Variants in TOP2B observed in about 807,000 individuals in gnomAD.
TOP2B encodes DNA topoisomerase 2-beta.
In TOP2B, 51 loss-of-function variants were observed where a neutral mutation model predicts 193.5. That is an observed-to-expected ratio of 0.26 (90% CI 0.21 to 0.33). The LOEUF (loss-of-function observed/expected upper bound fraction) is 0.33. TOP2B is among the 10% of genes least tolerant of loss of function. The pLI is 1.00. For missense variants in TOP2B, 1,378 were observed against 1,909.3 expected (o/e 0.72, Z 5.19); for synonymous variants, 634 against 635.7 (o/e 1.00, Z 0.04).
chr3:25,641,707 T>A lies in TOP2B; in HGVS notation c.395+615A>T, dbSNP rs934181683. 3.1e-4 allele frequency among the ~76,000 whole-genome samples: 47 copies of A among 152,204 alleles called. 1 individual carries two copies. The South Asian group carries it at 3.9e-3, about 13-fold the overall frequency. On this transcript the variant is annotated intron_variant, in intron 4 of 35. Coordinates refer to ENST00000264331, the MANE Select transcript of TOP2B (RefSeq NM_001330700.2). ...TACCTGAATTATTAGATTTTTATGT[T>A]TACTAGAGAAAAATCTTAAAATCAT...
intron 5 of TOP2B, 135 bp downstream of exon 5, chr3:25,638,030 T>C: frequency 1.1e-6 from 1 of 872,766 alleles, no homozygotes; most frequent in South Asian, 1.8e-5. Flanking sequence ...AAGACAATAT[T>C]TATACATGAT....
chr3:25,644,758 C>T (rs1703366231), intron 2 of TOP2B, among the ~76,000 whole-genome samples: 1 of 151,560 alleles, frequency 6.6e-6, no homozygotes, highest in Admixed American at 6.6e-5. Flanking sequence ...ATAAAAAGTT[C>T]GTATGGCACC....
chr3:25,628,912 G>C lies in TOP2B; in HGVS notation c.1841C>G (p.Pro614Arg). 1 of 1,599,064 alleles carries C rather than the reference G, an allele frequency of 6.3e-7. No homozygotes were observed. Among genetic ancestry groups the C allele is most frequent in the Non-Finnish European group, 8.5e-7 (1 of 1,175,730 alleles). ...NKQELSFYSI[P>R]EFDEWKKHIE... ...ATGTTTTTTCCATTCGTCAAATTCA[G>C]GAATACTGTAGAAGGAAAGTTCCTG... is the stretch of plus-strand genomic sequence containing the variant. Residue 614 changes from proline to arginine, a missense_variant, in exon 15 of 36, where the codon CCT becomes CGT. Transcript: ENST00000264331.
intron 1 of TOP2B, among the ~76,000 whole-genome samples, chr3:25,658,070 A>AAAAAAAAAAAAAAAAAAAAAC (rs1209427514): frequency 5.4e-5 from 4 of 74,606 alleles, no homozygotes; most frequent in Non-Finnish European, 5.1e-5. Flanking sequence ...CAAAAAAAAA[A>AAAAAAAAAAAAAAAAAAAAAC]AAAAAAAATT....
intron 30 of TOP2B, among the ~76,000 whole-genome samples, chr3:25,607,684 C>A (rs1559492177): frequency 6.6e-6 from 1 of 152,230 alleles, no homozygotes; most frequent in Non-Finnish European, 1.5e-5. Context: ...TCAATATGGC[C>A]TTGTCTCATA....
chr3:25,664,271 C>T lies in TOP2B; in HGVS notation c.27G>A (p.Ala9=), dbSNP rs773947760. 40 of 1,535,854 alleles carry T rather than the reference C, an allele frequency of 2.6e-5. No individual in the cohort carries two copies. Among genetic ancestry groups the T allele is most frequent in the Middle Eastern group, 1.9e-4 (1 of 5,278 alleles). Reference sequence around the variant, plus strand: ...CGTTGCCGCCGCCCACGCCGGCTCCCGCGCCGCAGCCACCCGACTTGGCCA... The same window carrying T: ...CGTTGCCGCCGCCCACGCCGGCTCCTGCGCCGCAGCCACCCGACTTGGCCA... MAKSGGCG[A]GAGVGGGNGA... is the part of the protein sequence containing the mutation. Residue 9 remains alanine, a synonymous_variant, in exon 1 of 36, where the codon GCG becomes GCA. Coordinates refer to ENST00000264331, the MANE Select transcript of TOP2B (RefSeq NM_001330700.2).
rs1459516172 is a variant in TOP2B at position 25,615,590 on chromosome 3, T to TA, written c.3352-5dup. 7 of 1,521,644 alleles carry TA rather than the reference T, an allele frequency of 4.6e-6. No homozygotes were observed. The highest frequency in any genetic ancestry group is 6.2e-6 in the Non-Finnish European group (7 of 1,137,992). The allele number at this position is 1,521,644 out of a possible 1,614,324, so 94.3% of individuals were successfully genotyped here. A position where few individuals can be genotyped will look rare whatever the true frequency, so the allele number is the denominator to read the frequency against. On this transcript the variant is annotated splice_region_variant and splice_polypyrimidine_tract_variant and intron_variant, in intron 25 of 35. Transcript: ENST00000264331. ...GTGTTTCATCCTCTTCTGCTGCCTG[T>TA]AAAAAATAACAAACTGTATATTAAA...
intron 21 of TOP2B, among the ~76,000 whole-genome samples, chr3:25,622,664 G>A (rs1404981084): frequency 2.7e-5 from 4 of 147,800 alleles, no homozygotes; most frequent in African/African-American, 7.5e-5. Context: ...TTTGGGAGAC[G>A]GAGTCTCATT....
chr3:25,601,192 T>A lies in TOP2B; in HGVS notation c.4523A>T (p.Lys1508Met). 1.2e-6 allele frequency: 2 copies of A among 1,613,738 alleles called. No homozygotes were observed. The highest frequency in any genetic ancestry group is 1.3e-5 in the African/African-American group (1 of 75,062). The change falls in exon 34 of 36, where the codon AAG (lysine) becomes ATG (methionine). Residue 1508 changes from lysine to methionine, a missense_variant. By Grantham distance (95) the Lys-to-Met change is moderately conservative. Coordinates refer to ENST00000264331, the MANE Select transcript of TOP2B (RefSeq NM_001330700.2). ...TACTTTCTTCTGTTTTGGGGCTCTC[T>A]TGGGCTTAGGGACTGTATCTGAAGA... is the stretch of plus-strand genomic sequence containing the variant. Reference protein sequence around the residue: ...KPSSDTVPKPKRAPKQKKVVE... With the variant: ...KPSSDTVPKPMRAPKQKKVVE...
At chr3:25,656,750 C>G (rs1703756586) in intron 1 of TOP2B, among the ~76,000 whole-genome samples, 2 of 151,924 alleles carry the variant, frequency 1.3e-5, no homozygotes, top group South Asian at 4.2e-4. Context: ...GTGAAATATG[C>G]CCAACAGAAT....
At chr3:25,599,370 C>T in intron 35 of TOP2B, 65 bp downstream of exon 35, 3 of 1,493,944 alleles carry the variant, frequency 2.0e-6, no homozygotes, top group Non-Finnish European at 2.7e-6. Flanking sequence ...CATAAGCAAA[C>T]TAAGTCACTT....
intron 25 of TOP2B, chr3:25,618,177 C>A: frequency 2.2e-6 from 1 of 460,206 alleles, no homozygotes; most frequent in Non-Finnish European, 3.9e-6. Flanking sequence ...TACCTTCTCA[C>A]ACCTGGAGTC....
At chr3:25,630,526 A>G in intron 11 of TOP2B, 57 bp from the exon 12 acceptor site, 1 of 1,367,114 alleles carries the variant, frequency 7.3e-7, no homozygotes, top group East Asian at 2.5e-5. Flanking sequence ...CACTGATGAG[A>G]AAAATGAAGT....
At chr3:25,601,585 T>C (rs1702097076) in intron 33 of TOP2B, among the ~76,000 whole-genome samples, 1 of 152,164 alleles carries the variant, frequency 6.6e-6, no homozygotes, top group East Asian at 1.9e-4. Flanking sequence ...TGCACTCCAG[T>C]TGAGCAACAA....
At position 25,615,205 on chromosome 3, in the gene TOP2B, A is replaced by G. The variant is rs1223286136; in HGVS notation, c.3591T>C (p.Asp1197=). The change falls in exon 27 of 36, where the codon GAT becomes GAC. Residue 1197 remains aspartate, a splice_region_variant and synonymous_variant. Transcript: ENST00000264331. ...EDLAAFVEEL[D]KVESQEREDV... ...AAATTTTAATAGAGACTTAACCTACATCCAGTTCTTCAACAAATGCCGCTA... is the reference window on the plus strand; with the variant it reads ...AAATTTTAATAGAGACTTAACCTACGTCCAGTTCTTCAACAAATGCCGCTA... The G allele has an allele frequency of 6.2e-7, 1 of 1,610,144 alleles. No individual in the cohort carries two copies. Among genetic ancestry groups the G allele is most frequent in the Non-Finnish European group, 8.5e-7 (1 of 1,177,936 alleles).
chr3:25,615,332 C>A, intron 26 of TOP2B, 44 bp from the exon 27 acceptor site: 1 of 1,574,794 alleles, frequency 6.4e-7, no homozygotes, highest in Non-Finnish European at 8.6e-7. Context: ...AGTTTTAAAA[C>A]ATATGAAGGA....
Position 25,636,152 on chromosome 3 carries a change from T to C in TOP2B, c.640-4A>G. The C allele has an allele frequency of 6.5e-7, 1 of 1,545,018 alleles. No individual in the cohort carries two copies. The highest frequency in any genetic ancestry group is 8.8e-7 in the Non-Finnish European group (1 of 1,141,714). On this transcript the variant is annotated splice_region_variant and splice_polypyrimidine_tract_variant and intron_variant, in intron 6 of 35. Coordinates refer to ENST00000264331, the MANE Select transcript of TOP2B (RefSeq NM_001330700.2). ...TCATCATATTATTCATCCATGTCTT[T>C]AAAAGAAAAAAATTCAAATATTTCT... is the stretch of plus-strand genomic sequence containing the variant.
At chr3:25,650,263 ATAAT>A (rs1703547576) in intron 1 of TOP2B, among the ~76,000 whole-genome samples, 7 of 152,236 alleles carry the variant, frequency 4.6e-5, no homozygotes, top group Admixed American at 4.6e-4. Context: ...AAACACTCTT[ATAAT>A]AAGCAGATGT....
At chr3:25,657,620 CA>C (rs1485309279) in intron 1 of TOP2B, among the ~76,000 whole-genome samples, 1 of 151,240 alleles carries the variant, frequency 6.6e-6, no homozygotes, top group Non-Finnish European at 1.5e-5. Flanking sequence ...TGCAGGCTAA[CA>C]GAATTATACT....
Sources: allele counts gnomAD v4.1 joint callset (sites outside exome capture counted in the v4.1 genomes callset), GRCh38; gene constraint gnomAD v4.1.1; transcripts MANE v1.5; gene names NCBI Gene and HGNC (gene_info 2026-07-23, HGNC 2026-07-21).